WDR64: variants seen among roughly 807,000 people sequenced by gnomAD.
WDR64 encodes the protein WD repeat domain 64.
Under a neutral mutation model 139.3 loss-of-function variants are expected in WDR64, and 112 were observed. The ratio of observed to expected loss-of-function variants is 0.80; its 90% CI spans 0.69 to 0.94. The LOEUF (loss-of-function observed/expected upper bound fraction) is 0.94, where lower values mean the gene tolerates loss of function less well. Ranked by LOEUF, WDR64 falls within the 40% of genes least tolerant of loss-of-function variation. The pLI is 0.00. For missense variants in WDR64, 1,206 were observed against 1,293.1 expected (o/e 0.93, Z 1.03); for synonymous variants, 444 against 437.7 (o/e 1.01, Z -0.18).
At chr1:241,683,336 G>T (rs1666884046) in intron 6 of WDR64, 151 bp from the exon 7 acceptor site, 3 of 715,370 alleles carry the variant, frequency 4.2e-6, no homozygotes, top group South Asian at 4.3e-5. Flanking sequence ...ACTTTTATTT[G>T]GTTAACTGGT....
At chr1:241,710,469 T>A (rs989853167) in intron 8 of WDR64, among the ~76,000 whole-genome samples, 1 of 133,992 alleles carries the variant, frequency 7.5e-6, no homozygotes, top group Non-Finnish European at 1.5e-5. Context: ...GAATATATGG[T>A]AGATGCTACA....
At chr1:241,757,519 C>CAT in intron 15 of WDR64, 60 bp downstream of exon 15, 1 of 1,473,988 alleles carries the variant, frequency 6.8e-7, no homozygotes, top group African/African-American at 1.4e-5. Flanking sequence ...AATTTACAAA[C>CAT]ATATATAAAG....
intron 13 of WDR64, 134 bp from the exon 14 acceptor site, chr1:241,749,413 C>G (rs1669894000): frequency 2.1e-6 from 2 of 965,140 alleles, no homozygotes; most frequent in African/African-American, 3.3e-5. Flanking sequence ...GAAGACTCAC[C>G]CATCTGAGTA....
Position 241,717,434 on chromosome 1 carries a change from A to T in WDR64, c.1054+5553A>T, listed in dbSNP as rs1490486489. ...CCTGTGTTCTTCCTGGACCACAGAAATCTGGTTTACTAGATGCTATCTCTC... is the reference window on the plus strand; with the variant it reads ...CCTGTGTTCTTCCTGGACCACAGAATTCTGGTTTACTAGATGCTATCTCTC... On this transcript the variant is annotated intron_variant, in intron 9 of 27. Transcript: ENST00000437684. Among the ~76,000 whole-genome samples the T allele has an allele frequency of 3.9e-5, 6 of 152,052 alleles. No homozygotes were observed. In the South Asian group the frequency reaches 1.2e-3, roughly 32 times the overall value.
At chr1:241,726,892 G>GTTT (rs71174837) in intron 10 of WDR64, among the ~76,000 whole-genome samples, 2 of 149,146 alleles carry the variant, frequency 1.3e-5, no homozygotes, top group African/African-American at 2.5e-5. Flanking sequence ...TAAGGACAAA[G>GTTT]TTTTTTTTTT....
intron 10 of WDR64, among the ~76,000 whole-genome samples, chr1:241,737,520 A>G (rs61825848): frequency 0.022 from 3,388 of 152,340 alleles, 44 homozygotes; most frequent in South Asian, 0.037. Context: ...TTACTATAAC[A>G]TGAAAATATT....
Position 241,687,461 on chromosome 1 carries a change from T to C in WDR64, c.840T>C (p.Ser280=), listed in dbSNP as rs1367073144. The change falls in exon 8 of 28, where the codon AGT becomes AGC. Residue 280 remains serine, a splice_region_variant and synonymous_variant. Transcript: ENST00000437684. ...TCCCCTGCCTTTTCTTAATCCCCAG[T>C]GTTAAAAGGAAGCTACATAATGACT... is the stretch of plus-strand genomic sequence containing the variant. ...NQVLDSKNFK[S]VKRKLHNDWV... The C allele has an allele frequency of 1.2e-6, 2 of 1,613,716 alleles. No homozygotes were observed. Among genetic ancestry groups the C allele is most frequent in the South Asian group, 2.2e-5 (2 of 91,032 alleles).
At position 241,798,063 on chromosome 1, in the gene WDR64, C is replaced by T. The variant is rs192164178; in HGVS notation, c.3192+1693C>T. On this transcript the variant is annotated intron_variant, in intron 27 of 27. Coordinates refer to ENST00000437684, the MANE Select transcript of WDR64 (RefSeq NM_001367482.1). ...TAATCTACATAAAGACTAATCTACA[C>T]TCCAATAACCAGAATTTGACTCTAC... Among the ~76,000 whole-genome samples, 273 of 152,222 alleles carry T rather than the reference C, an allele frequency of 1.8e-3. 2 individuals are homozygous for T. Among genetic ancestry groups the T allele is most frequent in the African/African-American group, 6.3e-3 (262 of 41,548 alleles).
At chr1:241,771,864 ACACACACATACC>A (rs1417540678) in intron 19 of WDR64, among the ~76,000 whole-genome samples, 167 bp downstream of exon 19, 2 of 146,688 alleles carry the variant, frequency 1.4e-5, no homozygotes, top group Non-Finnish European at 3.0e-5. Context: ...TATATAATAT[ACACACACATACC>A]CACACACATA....
intron 2 of WDR64, among the ~76,000 whole-genome samples, chr1:241,669,315 G>T (rs1666136889): frequency 6.6e-6 from 1 of 152,178 alleles, no homozygotes; most frequent in Non-Finnish European, 1.5e-5. Flanking sequence ...GGGTTCGAAT[G>T]ATATAGGGCT....
chr1:241,771,933 C>CATATATATATAT (rs1658452649), intron 19 of WDR64, among the ~76,000 whole-genome samples: 1 of 73,490 alleles, frequency 1.4e-5, no homozygotes, highest in African/African-American at 4.3e-5. Flanking sequence ...CATACATATA[C>CATATATATATAT]ATACATACAT....
chr1:241,659,394 G>A (rs142040896), intron 1 of WDR64, among the ~76,000 whole-genome samples: 1 of 152,130 alleles, frequency 6.6e-6, no homozygotes, highest in Non-Finnish European at 1.5e-5. Context: ...CTTTATAATA[G>A]AATGATTTTT....
In WDR64 at chr1:241,770,627, A is replaced by G; in HGVS notation, c.2190A>G (p.Ser730=). The change falls in exon 18 of 28, where the codon TCA becomes TCG. Residue 730 remains serine, a synonymous_variant. Transcript: ENST00000437684. Reference sequence around the variant, plus strand: ...TTCCCCACTCCCCTTATAGGAGATCAAGTCAGGATTCCATATGTTCTTCAT... The same window carrying G: ...TTCCCCACTCCCCTTATAGGAGATCGAGTCAGGATTCCATATGTTCTTCAT... ...LFRTPECARR[S]SQDSICSSSQ... 1 of 1,551,352 alleles carries G rather than the reference A, an allele frequency of 6.4e-7. No homozygotes were observed. Among genetic ancestry groups the G allele is most frequent in the Middle Eastern group, 1.7e-4 (1 of 5,984 alleles).
chr1:241,663,536 T>C (rs1349968673), intron 2 of WDR64, among the ~76,000 whole-genome samples: 1 of 152,288 alleles, frequency 6.6e-6, no homozygotes, highest in Non-Finnish European at 1.5e-5. Flanking sequence ...ACTTGGCCCC[T>C]TTGGGGAGAG....
intron 1 of WDR64, among the ~76,000 whole-genome samples, chr1:241,660,218 G>A (rs950345482): frequency 5.3e-5 from 8 of 152,220 alleles, no homozygotes; most frequent in African/African-American, 7.2e-5. Flanking sequence ...AAATCAGATC[G>A]TTGTAGGTGT....
chr1:241,802,603 T>C lies in WDR64; in HGVS notation c.*1388T>C, dbSNP rs1029123800. The stretch of plus-strand genomic sequence containing the variant: ...ATATTCTCATTGATATGCATGCTAA[T>C]AGGATTACTAGTGTCTTCCACTTAC... On this transcript the variant is annotated 3_prime_UTR_variant, in exon 28 of 28. Transcript: ENST00000437684. 1.3e-5 allele frequency among the ~76,000 whole-genome samples: 2 copies of C among 152,222 alleles called. No homozygotes were observed. Among genetic ancestry groups the C allele is most frequent in the Admixed American group, 6.5e-5 (1 of 15,282 alleles).
chr1:241,745,969 A>T (rs1399634830), intron 13 of WDR64, among the ~76,000 whole-genome samples: 1 of 152,214 alleles, frequency 6.6e-6, no homozygotes, highest in African/African-American at 2.4e-5. Context: ...TCCTCTGCAT[A>T]ACCCAGCAAT....
intron 21 of WDR64, among the ~76,000 whole-genome samples, chr1:241,775,418 T>G (rs1658625144): frequency 6.6e-6 from 1 of 152,238 alleles, no homozygotes; most frequent in African/African-American, 2.4e-5. Flanking sequence ...AGCTCTTCAC[T>G]TAGGGCAAGG....
chr1:241,699,847 C>T (rs188140545), intron 8 of WDR64, among the ~76,000 whole-genome samples: 1 of 152,182 alleles, frequency 6.6e-6, no homozygotes, highest in Non-Finnish European at 1.5e-5. Flanking sequence ...ATGAAAAGAC[C>T]TGCATACCAT....
Sources: gnomAD v4.1 joint callset for allele counts (sites outside exome capture counted in the v4.1 genomes callset) on GRCh38, gnomAD v4.1.1 for gene constraint, MANE v1.5 for transcripts, NCBI Gene and HGNC (gene_info 2026-07-23, HGNC 2026-07-21) for gene names.